Variants in ZC3H12C observed in about 807,000 individuals in gnomAD.
ZC3H12C encodes the protein probable ribonuclease ZC3H12C.
A neutral mutation model predicts 76.3 loss-of-function variants in ZC3H12C; 20 were observed. The observed-to-expected ratio is 0.26, with a 90% confidence interval of 0.18 to 0.38. The LOEUF is 0.38. Among genes scored for constraint, ZC3H12C ranks in the 10% least tolerant of loss-of-function variants. The pLI is 1.00. For synonymous variants in ZC3H12C, 352 were observed against 399.6 expected (o/e 0.88, Z 1.42); for missense variants, 874 against 1,086.5 (o/e 0.80, Z 2.75).
At chr11:110,141,922 A>G (rs1437345847) in intron 2 of ZC3H12C, among the ~76,000 whole-genome samples, 2 of 152,200 alleles carry the variant, frequency 1.3e-5, no homozygotes, top group East Asian at 1.9e-4. Flanking sequence ...ATTTAAAACT[A>G]TATATGTGAC....
intron 1 of ZC3H12C, among the ~76,000 whole-genome samples, chr11:110,104,342 G>A (rs1177875612): frequency 6.6e-6 from 1 of 152,074 alleles, no homozygotes; most frequent in African/African-American, 2.4e-5. Flanking sequence ...TGGGATTAAG[G>A]AGTGAGCCAC....
In ZC3H12C at chr11:110,150,138, C is replaced by T. The variant is rs143005357; in HGVS notation, c.774-2781C>T. 1.8e-4 allele frequency among the ~76,000 whole-genome samples: 28 copies of T among 152,104 alleles called. 1 individual carries two copies. Among genetic ancestry groups the T allele is most frequent in the African/African-American group, 6.7e-4 (28 of 41,526 alleles). On this transcript the variant is annotated intron_variant, in intron 2 of 5. Coordinates refer to ENST00000278590, the MANE Select transcript of ZC3H12C (RefSeq NM_033390.2). ...TCTTTTCCTCATTGATTTGTAATGTCACCTTATTGCTGGCCTTTGGTTTTT... is the reference window on the plus strand; with the variant it reads ...TCTTTTCCTCATTGATTTGTAATGTTACCTTATTGCTGGCCTTTGGTTTTT...
At chr11:110,110,466 C>A (rs1242213813) in intron 1 of ZC3H12C, among the ~76,000 whole-genome samples, 1 of 152,090 alleles carries the variant, frequency 6.6e-6, no homozygotes, top group Non-Finnish European at 1.5e-5. Context: ...GAATACTCTC[C>A]ACCCTCACAC....
chr11:110,142,030 C>CT (rs1159385208), intron 2 of ZC3H12C, among the ~76,000 whole-genome samples: 2 of 152,144 alleles, frequency 1.3e-5, no homozygotes, highest in Non-Finnish European at 2.9e-5. Context: ...TAAATTCCCT[C>CT]TAGGTGAGTG....
At chr11:110,147,619 TAA>T (rs58411498) in intron 2 of ZC3H12C, among the ~76,000 whole-genome samples, 4,936 of 145,676 alleles carry the variant, frequency 0.034, 247 homozygotes, top group African/African-American at 0.12. Context: ...AAAGTAAAAT[TAA>T]AAAAAAAAAA....
intron 1 of ZC3H12C, among the ~76,000 whole-genome samples, chr11:110,097,393 C>T (rs1271680731): frequency 6.6e-6 from 1 of 152,146 alleles, no homozygotes; most frequent in African/African-American, 2.4e-5. Context: ...GGTCTTCCTG[C>T]TTACCTGGAA....
At chr11:110,130,468 C>G (rs1330012038) in intron 1 of ZC3H12C, among the ~76,000 whole-genome samples, 1 of 152,078 alleles carries the variant, frequency 6.6e-6, no homozygotes, top group South Asian at 2.1e-4. Flanking sequence ...TTTGACTATA[C>G]CCTTCTGTCT....
intron 3 of ZC3H12C, among the ~76,000 whole-genome samples, chr11:110,157,503 C>T (rs1862400175): frequency 6.7e-6 from 1 of 148,746 alleles, no homozygotes; most frequent in African/African-American, 2.5e-5. Context: ...GGCGTGATCT[C>T]GGCTCACTGC....
intron 1 of ZC3H12C, among the ~76,000 whole-genome samples, chr11:110,096,684 C>T (rs1311269770): frequency 6.6e-6 from 1 of 152,202 alleles, no homozygotes; most frequent in African/African-American, 2.4e-5. Context: ...AGTGTGTCAT[C>T]ATGTATGTTG....
chr11:110,147,821 A>G (rs1190258113), intron 2 of ZC3H12C, among the ~76,000 whole-genome samples: 1 of 152,136 alleles, frequency 6.6e-6, no homozygotes, highest in Non-Finnish European at 1.5e-5. Flanking sequence ...CTTCTTCTTC[A>G]TCATTTCTGC....
At chr11:110,154,798 T>A (rs1312820687) in intron 3 of ZC3H12C, among the ~76,000 whole-genome samples, 4 of 68,276 alleles carry the variant, frequency 5.9e-5, no homozygotes, top group African/African-American at 1.1e-4. Context: ...CAACAAAGAA[T>A]CATGCCCTTA....
At chr11:110,116,095 C>G (rs1160763910) in intron 1 of ZC3H12C, among the ~76,000 whole-genome samples, 2 of 152,156 alleles carry the variant, frequency 1.3e-5, no homozygotes, top group Non-Finnish European at 2.9e-5. Context: ...TCTTTGTTTC[C>G]TTTCAGGTGC....
intron 1 of ZC3H12C, among the ~76,000 whole-genome samples, chr11:110,127,448 T>C (rs1230520929): frequency 6.6e-6 from 1 of 152,202 alleles, no homozygotes; most frequent in Admixed American, 6.5e-5. Flanking sequence ...TGTGTGTGAA[T>C]TAGCTTTTGT....
chr11:110,141,528 G>A (rs537840606), intron 2 of ZC3H12C, among the ~76,000 whole-genome samples: 35 of 152,216 alleles, frequency 2.3e-4, no homozygotes, highest in African/African-American at 7.0e-4. Flanking sequence ...TTGCTCTCCT[G>A]TTGCCTGGTT....
rs759818239 is a variant in ZC3H12C, at chr11:110,165,683, C to T, written c.2598C>T (p.Asp866=). 1.3e-6 allele frequency: 2 copies of T among 1,596,996 alleles called. No individual in the cohort carries two copies. The highest frequency in any genetic ancestry group is 1.1e-5 in the South Asian group (1 of 88,058). ...TGAAAAGGAATCCTCACATGACAGACGCCCAGCAGCTCGCCGCAGCCATTT... is the reference window on the plus strand; with the variant it reads ...TGAAAAGGAATCCTCACATGACAGATGCCCAGCAGCTCGCCGCAGCCATTT... The part of the protein sequence containing the change: ...IVMKRNPHMT[D]AQQLAAAILV... The change falls in exon 6 of 6, where the codon GAC becomes GAT. Residue 866 remains aspartate, a synonymous_variant. Transcript: ENST00000278590.
intron 1 of ZC3H12C, among the ~76,000 whole-genome samples, chr11:110,107,252 T>C (rs1259789189): frequency 6.6e-6 from 1 of 152,266 alleles, no homozygotes; most frequent in African/African-American, 2.4e-5. Flanking sequence ...GATTCTATCC[T>C]TGTGTCAGTG....
At chr11:110,112,853 A>G (rs1448057403) in intron 1 of ZC3H12C, among the ~76,000 whole-genome samples, 2 of 152,076 alleles carry the variant, frequency 1.3e-5, no homozygotes, top group African/African-American at 2.4e-5. Context: ...TTTCACTGCT[A>G]TTCCTTCTTT....
chr11:110,148,881 T>C (rs1231461112), intron 2 of ZC3H12C, among the ~76,000 whole-genome samples: 2 of 152,252 alleles, frequency 1.3e-5, no homozygotes, highest in East Asian at 3.8e-4. Flanking sequence ...TGGCACTTAC[T>C]CTGACATCCT....
Position 110,164,778 on chromosome 11 carries a change from G to A in ZC3H12C, c.1693G>A (p.Ala565Thr). The A allele has an allele frequency of 6.2e-7, 1 of 1,613,934 alleles. No homozygotes were observed. The highest frequency in any genetic ancestry group is 8.5e-7 in the Non-Finnish European group (1 of 1,179,876). The stretch of plus-strand genomic sequence containing the variant: ...GGGACAATATCCTTCAATGATGATG[G>A]CAACCAAAAATCATGGAACGCCAAT... ...PQGQYPSMMMATKNHGTPMPY... is the reference protein window; with the variant it reads ...PQGQYPSMMMTTKNHGTPMPY... Residue 565 changes from alanine to threonine, a missense_variant, in exon 6 of 6, where the codon GCA becomes ACA. Physicochemically the swap from Ala to Thr is moderately conservative, Grantham distance 58. Around this residue, in one of 3 missense-constraint regions of ZC3H12C, gnomAD observed 395 missense variants for 434.4 expected, o/e 0.91. Transcript: ENST00000278590. This position sits in a 1 kb window ranked among gnomAD's most constrained non-coding sequence, Gnocchi z 5.7.
Sources: allele counts gnomAD v4.1 joint callset (sites outside exome capture counted in the v4.1 genomes callset), GRCh38; gene constraint gnomAD v4.1.1; regional missense constraint gnomAD v4.1.1; non-coding constraint Gnocchi (gnomAD v3.1); transcripts MANE v1.5; gene names NCBI Gene and HGNC (gene_info 2026-07-23, HGNC 2026-07-21).